Variants in ADCY3 observed in about 807,000 individuals in gnomAD.
The protein encoded by ADCY3 is adenylate cyclase type 3.
Under a neutral mutation model 119.4 loss-of-function variants are expected in ADCY3, and 70 were observed. The ratio of observed to expected loss-of-function variants is 0.59; its 90% CI spans 0.48 to 0.72. The LOEUF (loss-of-function observed/expected upper bound fraction) is 0.72. ADCY3 is among the 30% of genes least tolerant of loss of function. The pLI is 0.00. For synonymous variants in ADCY3, 672 were observed against 621.4 expected, an observed-to-expected ratio of 1.08 and a Z score of -1.21; for missense variants, 1,238 against 1,541.6, an observed-to-expected ratio of 0.80 and a Z score of 3.30.
chr2:24,843,665 G>A (rs1371370356), intron 3 of ADCY3, among the ~76,000 whole-genome samples: 1 of 152,226 alleles, frequency 6.6e-6, no homozygotes, highest in Non-Finnish European at 1.5e-5. Flanking sequence ...CCGGTCTCTG[G>A]AACAGGGAAC....
rs970318842 is a variant in ADCY3 at position 24,819,791 on chromosome 2, C to T, written c.*141G>A. ...AGGGCCACCCTCAGAGCTCACACAT[C>T]CACGAACAAATGAAGGCTGAGGAGG... On this transcript the variant is annotated 3_prime_UTR_variant, in exon 22 of 22. Coordinates refer to ENST00000679454, the MANE Select transcript of ADCY3 (RefSeq NM_004036.5). The T allele has an allele frequency of 1.2e-5, 11 of 888,374 alleles. No individual in the cohort carries two copies. Among genetic ancestry groups the T allele is most frequent in the Non-Finnish European group, 1.9e-5 (11 of 585,632 alleles). The allele number at this position is 888,374 out of a possible 1,614,324, so 55.0% of individuals were successfully genotyped here.
At chr2:24,875,094 C>A (rs1437378988) in intron 2 of ADCY3, among the ~76,000 whole-genome samples, 6 of 152,198 alleles carry the variant, frequency 3.9e-5, no homozygotes, top group Non-Finnish European at 8.8e-5. Context: ...CCTGTCCCAT[C>A]TGTCCCTATG....
intron 14 of ADCY3, 133 bp from the exon 15 acceptor site, chr2:24,827,741 AGTGATACGTCT>A: frequency 7.1e-7 from 1 of 1,414,750 alleles, no homozygotes; most frequent in South Asian, 1.2e-5. Context: ...CTAGCCAAAC[AGTGATACGTCT>A]GTGAGCAGCC....
chr2:24,887,046 G>T (rs1485852443), intron 2 of ADCY3, among the ~76,000 whole-genome samples: 1 of 152,180 alleles, frequency 6.6e-6, no homozygotes, highest in South Asian at 2.1e-4. Context: ...ATAAATAACT[G>T]CCTGTGACCG....
intron 7 of ADCY3, 125 bp downstream of exon 7, chr2:24,839,748 G>C (rs935609627): frequency 1.1e-5 from 15 of 1,373,490 alleles, no homozygotes; most frequent in Admixed American, 1.9e-5. Context: ...GAGGAATGCT[G>C]TTCCGGGGTT....
rs1230501248 is a variant in ADCY3, at chr2:24,830,071, C to T, written c.2172+638G>A. On this transcript the variant is annotated intron_variant, in intron 13 of 21. Coordinates refer to ENST00000679454, the MANE Select transcript of ADCY3 (RefSeq NM_004036.5). The stretch of plus-strand genomic sequence containing the variant: ...TTTTTTTTTTTTTTTGAGACGGAGT[C>T]TTGCTGTCGCCTAGGCTGGAGTGCA... Among the ~76,000 whole-genome samples, 10 of 17,650 alleles carry T rather than the reference C, an allele frequency of 5.7e-4. No homozygotes were observed. The African/African-American group carries it at 6.7e-3, about 12-fold the overall frequency. The allele number at this position is 17,650 out of a possible 152,430, so 11.6% of individuals were successfully genotyped here.
At chr2:24,900,353 A>T (rs535782196) in intron 2 of ADCY3, among the ~76,000 whole-genome samples, 41 of 140,662 alleles carry the variant, frequency 2.9e-4, no homozygotes, top group African/African-American at 1.0e-3. Context: ...TCAAAAAAAA[A>T]AAAAATAAAT....
chr2:24,820,175 T>TGGGGGGGG, intron 21 of ADCY3, 61 bp from the exon 22 acceptor site: 10 of 425,502 alleles, frequency 2.4e-5, no homozygotes, highest in Middle Eastern at 6.5e-4. Flanking sequence ...TGAGGGCGGG[T>TGGGGGGGG]GGGGGCTTTG....
At chr2:24,837,581 G>A (rs182026321) in intron 8 of ADCY3, among the ~76,000 whole-genome samples, 6 of 152,310 alleles carry the variant, frequency 3.9e-5, no homozygotes, top group Admixed American at 3.9e-4. Context: ...CAAATGACAC[G>A]ACTTCCCTGA....
At chr2:24,840,398 C>T (rs1038064315) in intron 6 of ADCY3, 38 of 394,652 alleles carry the variant, frequency 9.6e-5, no homozygotes, top group Non-Finnish European at 1.6e-4. Flanking sequence ...AGAAAATAGC[C>T]GTGAACAGCC....
chr2:24,835,611 G>A (rs761637667), intron 9 of ADCY3, among the ~76,000 whole-genome samples: 12 of 152,130 alleles, frequency 7.9e-5, no homozygotes, highest in Non-Finnish European at 1.2e-4. Context: ...CTGTCTGAAC[G>A]GGTTCAACAG....
intron 3 of ADCY3, among the ~76,000 whole-genome samples, chr2:24,844,706 G>C (rs886944608): frequency 6.6e-6 from 1 of 152,174 alleles, no homozygotes; most frequent in African/African-American, 2.4e-5. Flanking sequence ...GCACTCTGTG[G>C]CTTCATGGGG....
chr2:24,915,562 A>T (rs1347749383), intron 2 of ADCY3, among the ~76,000 whole-genome samples: 1 of 152,026 alleles, frequency 6.6e-6, no homozygotes, highest in Admixed American at 6.5e-5. Flanking sequence ...TTTTTGTTTG[A>T]TGGAGTCTCA....
rs74510337 is a variant in ADCY3, at chr2:24,825,659, C to T, written c.2577+386G>A. The T allele has an allele frequency of 9.4e-4, 194 of 205,800 alleles. 4 individuals are homozygous for T. In the East Asian group the frequency reaches 0.027, roughly 29 times the overall value. The allele number at this position is 205,800 out of a possible 1,614,324, so 12.7% of individuals were successfully genotyped here. ...ACCCAACAGAAAGTCCATCAGCTCC[C>T]TTCTCTTTCTCTTCTGGCTCTGTGG... On this transcript the variant is annotated intron_variant, in intron 16 of 21. Coordinates refer to ENST00000679454, the MANE Select transcript of ADCY3 (RefSeq NM_004036.5).
Position 24,908,866 on chromosome 2 carries a change from C to T in ADCY3, c.675+9447G>A, listed in dbSNP as rs142008222. Among the ~76,000 whole-genome samples, 79 of 150,612 alleles carry T rather than the reference C, an allele frequency of 5.2e-4. 1 individual carries two copies. In the East Asian group the frequency reaches 0.011, roughly 20 times the overall value. On this transcript the variant is annotated intron_variant, in intron 2 of 21. Transcript: ENST00000679454. ...CATGGGTCCCGGCAGGAAGCAGGGG[C>T]GGGTTACAGATGTCCCATGCTGAGG... is the stretch of plus-strand genomic sequence containing the variant.
intron 17 of ADCY3, 42 bp from the exon 18 acceptor site, chr2:24,823,397 T>C (rs780483029): frequency 6.3e-7 from 1 of 1,594,058 alleles, no homozygotes; most frequent in Non-Finnish European, 8.5e-7. Flanking sequence ...CATGTCCGAC[T>C]GACTGGATGA....
At chr2:24,870,083 G>C (rs1185756367) in intron 3 of ADCY3, among the ~76,000 whole-genome samples, 1 of 151,888 alleles carries the variant, frequency 6.6e-6, no homozygotes, top group African/African-American at 2.4e-5. Context: ...AGCCGAGGCG[G>C]GTGGATCACC....
intron 2 of ADCY3, among the ~76,000 whole-genome samples, chr2:24,873,031 A>G (rs954678688): frequency 5.9e-5 from 9 of 152,178 alleles, no homozygotes; most frequent in Non-Finnish European, 1.2e-4. Flanking sequence ...GCTTCCCAAC[A>G]AAGCAAGGCT....
At chr2:24,831,920 GA>G (rs1357539961) in intron 11 of ADCY3, among the ~76,000 whole-genome samples, 171 bp from the exon 12 acceptor site, 1 of 66,146 alleles carries the variant, frequency 1.5e-5, no homozygotes, top group African/African-American at 4.9e-5. Context: ...GGGGCCAGGG[GA>G]CAGCGGACAG....
Sources: gnomAD v4.1 joint callset for allele counts (sites outside exome capture counted in the v4.1 genomes callset) on GRCh38, gnomAD v4.1.1 for gene constraint, MANE v1.5 for transcripts, NCBI Gene and HGNC (gene_info 2026-07-23, HGNC 2026-07-21) for gene names.